Variants in ZFHX3 observed in about 807,000 individuals in gnomAD.
ZFHX3 encodes the protein zinc finger homeobox 3.
In ZFHX3, 42 loss-of-function variants were observed where a neutral mutation model predicts 279.1. The observed-to-expected ratio is 0.15, with a 90% CI of 0.12 to 0.19. The LOEUF is 0.19. Among genes scored for constraint, ZFHX3 ranks in the 10% least tolerant of loss-of-function variants. The probability of loss-of-function intolerance (pLI) is 1.00; values close to 1 mark genes in which losing one functional copy is unlikely to be tolerated. For missense variants in ZFHX3, 4,981 were observed against 4,754.0 expected (o/e 1.05, Z -1.40); for synonymous variants, 2,293 against 1,957.8 (o/e 1.17, Z -4.52).
intron 5 of ZFHX3, among the ~76,000 whole-genome samples, chr16:73,178,214 T>C (rs1212971764): frequency 6.6e-6 from 1 of 152,074 alleles, no homozygotes; most frequent in African/African-American, 2.4e-5. Flanking sequence ...CCTGGCTCAC[T>C]GCAACCTCTG....
Position 73,066,723 on chromosome 16 carries a change from C to T in ZFHX3, c.-532-7711G>A, listed in dbSNP as rs577190138. ...AGGAGAGGGCGCGGCGAGGGGCGCA[C>T]CTCGCGCCCAGGGCCCACGCCGCCC... On this transcript the variant is annotated intron_variant, in intron 8 of 17. Transcript: ENST00000641206. 2.6e-5 allele frequency among the ~76,000 whole-genome samples: 4 copies of T among 152,324 alleles called. No homozygotes were observed. In the South Asian group the frequency reaches 8.3e-4, roughly 32 times the overall value.
intron 8 of ZFHX3, among the ~76,000 whole-genome samples, chr16:73,080,272 T>G (rs1379135567): frequency 6.6e-6 from 1 of 152,204 alleles, no homozygotes; most frequent in Non-Finnish European, 1.5e-5. Context: ...TCAGAAAGTG[T>G]GGCTCATGGA....
Position 73,871,172 on chromosome 16 carries a change from G to A in ZFHX3, c.-1608+20479C>T, listed in dbSNP as rs553595554. 7.9e-5 allele frequency among the ~76,000 whole-genome samples: 12 copies of A among 152,236 alleles called. No homozygotes were observed. The South Asian group carries it at 2.3e-3, about 29-fold the overall frequency. On this transcript the variant is annotated intron_variant, in intron 1 of 17. Coordinates refer to the ZFHX3 transcript ENST00000641206. ...GGGGGTCAAGGTTGGCACAGCACAT[G>A]GTGCTCAATTACACTGGATTTTAGC...
chr16:73,312,795 G>A (rs1409402650), intron 4 of ZFHX3, among the ~76,000 whole-genome samples: 1 of 152,224 alleles, frequency 6.6e-6, no homozygotes, highest in African/African-American at 2.4e-5. Context: ...TAATGTATCA[G>A]ATTCTACAGC....
At chr16:73,332,740 C>T (rs150352060) in intron 3 of ZFHX3, among the ~76,000 whole-genome samples, 447 of 152,270 alleles carry the variant, frequency 2.9e-3, no homozygotes, top group Non-Finnish European at 5.0e-3. Context: ...TGAATAAATA[C>T]GTAGTGATCT....
intron 1 of ZFHX3, among the ~76,000 whole-genome samples, chr16:73,037,385 C>T (rs942021014): frequency 6.6e-6 from 1 of 152,140 alleles, no homozygotes; most frequent in Non-Finnish European, 1.5e-5. Flanking sequence ...GACATAAGAT[C>T]CCACTGCTCA....
At chr16:73,838,562 T>C (rs536679078) in intron 1 of ZFHX3, among the ~76,000 whole-genome samples, 26 of 152,262 alleles carry the variant, frequency 1.7e-4, no homozygotes, top group African/African-American at 6.0e-4. Context: ...TGAAAGACCT[T>C]TGCAAACAGT....
At chr16:73,172,933 T>TTG (rs1967566474) in intron 5 of ZFHX3, among the ~76,000 whole-genome samples, 1 of 145,980 alleles carries the variant, frequency 6.9e-6, no homozygotes, top group Non-Finnish European at 1.5e-5. Context: ...TGCCTGTGGT[T>TTG]TTTTTTTTTT....
At chr16:73,745,077 C>T (rs2053691565) in intron 1 of ZFHX3, among the ~76,000 whole-genome samples, 1 of 152,088 alleles carries the variant, frequency 6.6e-6, no homozygotes, top group South Asian at 2.1e-4. Context: ...ACAGTTGCTG[C>T]AGTGTCCAAA....
intron 1 of ZFHX3, among the ~76,000 whole-genome samples, chr16:72,960,539 G>C (rs1298668900): frequency 6.6e-6 from 1 of 152,158 alleles, no homozygotes; most frequent in African/African-American, 2.4e-5. Flanking sequence ...GTGGAGAACG[G>C]ACGCGTCATC....
intron 1 of ZFHX3, among the ~76,000 whole-genome samples, chr16:73,725,594 G>C (rs1037384057): frequency 6.6e-6 from 1 of 151,898 alleles, no homozygotes; most frequent in African/African-American, 2.4e-5. Flanking sequence ...TCAGGGAATA[G>C]GGTGGATGCA....
At chr16:73,446,479 A>T (rs1211623576) in intron 3 of ZFHX3, among the ~76,000 whole-genome samples, 1 of 152,172 alleles carries the variant, frequency 6.6e-6, no homozygotes, top group African/African-American at 2.4e-5. Context: ...TGAGAACAGC[A>T]TGGGGAAACC....
chr16:73,464,407 C>A (rs1023757281), intron 2 of ZFHX3, among the ~76,000 whole-genome samples: 7 of 151,308 alleles, frequency 4.6e-5, no homozygotes, highest in Admixed American at 4.6e-4. Context: ...CATTCCTGAT[C>A]AGCTTCTCCA....
intron 2 of ZFHX3, among the ~76,000 whole-genome samples, chr16:73,543,311 ATTAT>A (rs1322903903): frequency 2.6e-5 from 4 of 152,144 alleles, no homozygotes; most frequent in African/African-American, 9.7e-5. Flanking sequence ...AACAAATACG[ATTAT>A]TTATGCACTT....
At chr16:73,632,281 G>T (rs1020389932) in intron 2 of ZFHX3, among the ~76,000 whole-genome samples, 2 of 152,162 alleles carry the variant, frequency 1.3e-5, no homozygotes, top group African/African-American at 2.4e-5. Flanking sequence ...TGGTAAAGAT[G>T]AATATATGTT....
At chr16:73,746,110 G>A (rs548892333) in intron 1 of ZFHX3, among the ~76,000 whole-genome samples, 1 of 151,956 alleles carries the variant, frequency 6.6e-6, no homozygotes, top group Non-Finnish European at 1.5e-5. Flanking sequence ...GAAATGGGAG[G>A]GGAATGGGTG....
intron 1 of ZFHX3, among the ~76,000 whole-genome samples, chr16:73,728,015 G>GCGC (rs1555535413): frequency 4.0e-5 from 3 of 75,484 alleles, no homozygotes; most frequent in Admixed American, 1.8e-4. Flanking sequence ...GCCGAATTGT[G>GCGC]CCCCCCCCCC....
intron 4 of ZFHX3, among the ~76,000 whole-genome samples, chr16:72,887,676 C>T (rs1300679541): frequency 8.3e-6 from 1 of 119,864 alleles, no homozygotes; most frequent in Non-Finnish European, 1.7e-5. Context: ...GTTTATGATG[C>T]TTGCATGTGG....
intron 1 of ZFHX3, among the ~76,000 whole-genome samples, chr16:73,753,986 ATG>A (rs1310925312): frequency 3.4e-5 from 5 of 147,310 alleles, no homozygotes; most frequent in Admixed American, 6.7e-5. Context: ...GTAAGAATCA[ATG>A]TGTGTGTGTG....
Sources: gnomAD v4.1 joint callset for allele counts (sites outside exome capture counted in the v4.1 genomes callset) on GRCh38, gnomAD v4.1.1 for gene constraint, MANE v1.5 for transcripts, NCBI Gene and HGNC (gene_info 2026-07-23, HGNC 2026-07-21) for gene names.